Variants in NCK1 observed in about 807,000 individuals in gnomAD.
NCK1 encodes the protein NCK adaptor protein 1.
NCK1 carries 19 observed loss-of-function variants against 36.6 expected under a neutral mutation model. That is an observed-to-expected ratio of 0.52 (90% CI 0.36 to 0.76). NCK1 has a LOEUF of 0.76. Ranked by LOEUF, NCK1 falls within the 30% of genes least tolerant of loss-of-function variation. NCK1 has a pLI of 0.00. For synonymous variants in NCK1, 165 were observed against 156.0 expected (o/e 1.06, Z -0.43); for missense variants, 358 against 445.6 (o/e 0.80, Z 1.77).
intron 1 of NCK1, among the ~76,000 whole-genome samples, chr3:136,884,119 G>A (rs1939014118): frequency 6.6e-6 from 1 of 152,120 alleles, no homozygotes; most frequent in South Asian, 2.1e-4. Context: ...AATAATGAAC[G>A]AGCTATCTAG....
intron 1 of NCK1, among the ~76,000 whole-genome samples, chr3:136,922,050 T>A (rs1356655524): frequency 1.3e-5 from 2 of 152,228 alleles, no homozygotes; most frequent in Non-Finnish European, 2.9e-5. Context: ...CCCAAAGTGC[T>A]GGGATTACAG....
chr3:136,923,143 GTGTA>G (rs1182353960), intron 1 of NCK1, among the ~76,000 whole-genome samples: 6 of 152,092 alleles, frequency 3.9e-5, no homozygotes, highest in Admixed American at 3.9e-4. Flanking sequence ...GCATGTGTGT[GTGTA>G]TGTTTTGTTG....
Position 136,951,353 on chromosome 3 carries a change from C to T in NCK1, c.*2900C>T, listed in dbSNP as rs116368693. On this transcript the variant is annotated 3_prime_UTR_variant, in exon 4 of 4. Coordinates refer to ENST00000481752, the MANE Select transcript of NCK1 (RefSeq NM_001291999.2). ...TTCAGGGTACATCTAAACACAGTGG[C>T]CTTATACAGAAATGTTGTTCAACCC... is the stretch of plus-strand genomic sequence containing the variant. Among the ~76,000 whole-genome samples, 267 of 152,228 alleles carry T rather than the reference C, an allele frequency of 1.8e-3. 1 individual carries two copies. The highest frequency in any genetic ancestry group is 6.0e-3 in the African/African-American group (250 of 41,522).
chr3:136,875,636 C>A (rs1217569366), intron 1 of NCK1, among the ~76,000 whole-genome samples: 2 of 151,588 alleles, frequency 1.3e-5, no homozygotes, highest in Non-Finnish European at 2.9e-5. Flanking sequence ...AATACAGGAG[C>A]ACCCAGATTC....
chr3:136,931,875 T>A (rs1312268677), intron 2 of NCK1, among the ~76,000 whole-genome samples: 1 of 152,072 alleles, frequency 6.6e-6, no homozygotes, highest in African/African-American at 2.4e-5. Context: ...ATCTCAGCAC[T>A]TTGGGAGGCC....
intron 1 of NCK1, among the ~76,000 whole-genome samples, chr3:136,881,381 G>T (rs1439605087): frequency 6.6e-6 from 1 of 151,912 alleles, no homozygotes; most frequent in Non-Finnish European, 1.5e-5. Flanking sequence ...CACTACGCCC[G>T]GCTAATTTTT....
Position 136,945,832 on chromosome 3 carries a change from A to G in NCK1, c.476A>G (p.Tyr159Cys), listed in dbSNP as rs1039212149. The G allele has an allele frequency of 5.0e-6, 8 of 1,614,052 alleles. No homozygotes were observed. Among genetic ancestry groups the G allele is most frequent in the African/African-American group, 1.3e-5 (1 of 74,926 alleles). ...NGQVGWFPSN[Y>C]VTEEGDSPLG... ...CAAGTTGGATGGTTCCCTTCAAACT[A>G]TGTAACTGAAGAAGGTGACAGTCCT... The change falls in exon 3 of 4, where the codon TAT becomes TGT. Residue 159 changes from tyrosine to cysteine, a missense_variant. Transcript: ENST00000481752.
In NCK1 at chr3:136,948,608, A is replaced by G. The variant is rs1023977336; in HGVS notation, c.*155A>G. The G allele has an allele frequency of 3.2e-6, 2 of 624,448 alleles. No individual in the cohort carries two copies. The highest frequency in any genetic ancestry group is 5.5e-6 in the Non-Finnish European group (2 of 361,398). 38.7% of individuals were successfully genotyped at this position (624,448 alleles called of 1,614,324 possible). A position where few individuals can be genotyped will look rare whatever the true frequency, so the allele number is the denominator to read the frequency against. On this transcript the variant is annotated 3_prime_UTR_variant, in exon 4 of 4. Transcript: ENST00000481752. ...GTATTTTTATTATAACTCAGCCCAT[A>G]CATATATACTATGTATGCAGTGCAT...
chr3:136,884,855 G>A (rs1290696135), intron 1 of NCK1, among the ~76,000 whole-genome samples: 1 of 151,798 alleles, frequency 6.6e-6, no homozygotes, highest in African/African-American at 2.4e-5. Context: ...CAAGTAGCTG[G>A]GATTACAGGC....
At chr3:136,887,449 G>A (rs1408147783) in intron 1 of NCK1, among the ~76,000 whole-genome samples, 2 of 152,192 alleles carry the variant, frequency 1.3e-5, no homozygotes, top group Non-Finnish European at 2.9e-5. Flanking sequence ...GGGCAGGAAG[G>A]TGAGGAAAGA....
intron 1 of NCK1, among the ~76,000 whole-genome samples, chr3:136,889,592 G>A (rs925284696): frequency 2.6e-5 from 4 of 151,974 alleles, no homozygotes; most frequent in African/African-American, 9.7e-5. Context: ...CTCTTATCTG[G>A]CCCCACCCAC....
rs1427919002 is a variant in NCK1, at chr3:136,950,861, A to G, written c.*2408A>G. 6.6e-6 allele frequency among the ~76,000 whole-genome samples: 1 copy of G among 152,150 alleles called. No individual in the cohort carries two copies. The highest frequency in any genetic ancestry group is 1.5e-5 in the Non-Finnish European group (1 of 68,012). Reference sequence around the variant, plus strand: ...CCCTGCCTAACTCACTTCTACAAATAACTTCCCCAAAATCTTAGAAGGTTT... The same window carrying G: ...CCCTGCCTAACTCACTTCTACAAATGACTTCCCCAAAATCTTAGAAGGTTT... On this transcript the variant is annotated 3_prime_UTR_variant, in exon 4 of 4. Coordinates refer to ENST00000481752, the MANE Select transcript of NCK1 (RefSeq NM_001291999.2).
intron 1 of NCK1, among the ~76,000 whole-genome samples, chr3:136,920,652 C>G (rs1351590451): frequency 1.3e-5 from 2 of 152,232 alleles, no homozygotes; most frequent in African/African-American, 4.8e-5. Context: ...TATCATCATC[C>G]TATAATCTGA....
chr3:136,920,650 TC>T (rs1221018277), intron 1 of NCK1, among the ~76,000 whole-genome samples: 2 of 152,290 alleles, frequency 1.3e-5, no homozygotes, highest in African/African-American at 4.8e-5. Flanking sequence ...AGTATCATCA[TC>T]CTATAATCTG....
At position 136,950,984 on chromosome 3, in the gene NCK1, A is replaced by C. The variant is rs1393355793; in HGVS notation, c.*2531A>C. Among the ~76,000 whole-genome samples, 2 of 152,158 alleles carry C rather than the reference A, an allele frequency of 1.3e-5. No homozygotes were observed. Among genetic ancestry groups the C allele is most frequent in the African/African-American group, 4.8e-5 (2 of 41,452 alleles). On this transcript the variant is annotated 3_prime_UTR_variant, in exon 4 of 4. Transcript: ENST00000481752. ...GATTCAGCTGAATATATATTCACAC[A>C]TGTATATTACACATATATCACTATA...
intron 1 of NCK1, among the ~76,000 whole-genome samples, chr3:136,919,133 A>T (rs559047001): frequency 6.6e-6 from 1 of 152,228 alleles, no homozygotes; most frequent in South Asian, 2.1e-4. Flanking sequence ...GGAAAAGGCA[A>T]AACTACATAG....
chr3:136,872,114 T>C (rs1482483814), intron 1 of NCK1, among the ~76,000 whole-genome samples: 1 of 151,776 alleles, frequency 6.6e-6, no homozygotes, highest in East Asian at 1.9e-4. Context: ...CAGGCAGAGG[T>C]TGGAACAGTT....
intron 1 of NCK1, among the ~76,000 whole-genome samples, chr3:136,926,852 T>C (rs1479804929): frequency 6.6e-6 from 1 of 152,226 alleles, no homozygotes; most frequent in African/African-American, 2.4e-5. Context: ...TGGCATTTGA[T>C]TGCTTTTTGT....
rs1576999064 is a variant in NCK1, at chr3:136,950,900, A to G, written c.*2447A>G. On this transcript the variant is annotated 3_prime_UTR_variant, in exon 4 of 4. Coordinates refer to ENST00000481752, the MANE Select transcript of NCK1 (RefSeq NM_001291999.2). ...CTTAGAAGGTTTTTTAGAACATGAT[A>G]TAAGCTTTGTGACAAAAACAAATGC... Among the ~76,000 whole-genome samples the G allele has an allele frequency of 6.6e-6, 1 of 152,176 alleles. No individual in the cohort carries two copies. The highest frequency in any genetic ancestry group is 2.4e-5 in the African/African-American group (1 of 41,460).
Sources: gnomAD v4.1 joint callset for allele counts (sites outside exome capture counted in the v4.1 genomes callset) on GRCh38, gnomAD v4.1.1 for gene constraint, MANE v1.5 for transcripts, NCBI Gene and HGNC (gene_info 2026-07-23, HGNC 2026-07-21) for gene names.